The following GPM6B variants were observed in gnomAD, a reference collection of about 807,000 sequenced individuals.
GPM6B encodes glycoprotein M6B.
Under a neutral mutation model 27.2 loss-of-function variants are expected in GPM6B, and 4 were observed. That is an observed-to-expected ratio of 0.15 (90% CI 0.07 to 0.34). GPM6B has a LOEUF of 0.34. GPM6B is among the 10% of genes least tolerant of loss of function. GPM6B has a pLI of 1.00. For synonymous variants in GPM6B, 124 were observed against 103.1 expected (o/e 1.20, Z -1.23); for missense variants, 183 against 261.9 (o/e 0.70, Z 2.08).
At chrX:13,858,946 A>T (rs1351401312) in intron 1 of GPM6B, among the ~76,000 whole-genome samples, 1 of 112,477 alleles carries the variant, frequency 8.9e-6, no homozygotes, top group Non-Finnish European at 1.9e-5. Context: ...CGTGCTCAAT[A>T]GCACCTGCAT....
intron 1 of GPM6B, among the ~76,000 whole-genome samples, chrX:13,853,590 CAAAAAAAAA>C (rs66531403): frequency 2.6e-5 from 1 of 38,545 alleles, no homozygotes; most frequent in Non-Finnish European, 4.3e-5. Context: ...GACACCACCT[CAAAAAAAAA>C]AAAAAAAAAA....
Position 13,787,465 on chromosome X carries a change from G to T in GPM6B, c.182-1657C>A, listed in dbSNP as rs1386673355. 3.6e-5 allele frequency among the ~76,000 whole-genome samples: 4 copies of T among 111,609 alleles called. No individual in the cohort carries two copies. The East Asian group carries it at 1.1e-3, about 31-fold the overall frequency. The stretch of plus-strand genomic sequence containing the variant: ...CAGCTACTTGGGAGGCTGAGGCAAG[G>T]GAATCGCTTGAACCCAGGAGGAAGA... On this transcript the variant is annotated intron_variant, in intron 2 of 7. Transcript: ENST00000316715.
chrX:13,777,750 T>C (rs2048441038), intron 5 of GPM6B, among the ~76,000 whole-genome samples: 1 of 112,384 alleles, frequency 8.9e-6, no homozygotes, highest in African/African-American at 3.2e-5. Context: ...GCTTTCCCTA[T>C]AGTTACTGCA....
chrX:13,902,324 C>G (rs2050289217), intron 1 of GPM6B, among the ~76,000 whole-genome samples: 1 of 109,844 alleles, frequency 9.1e-6, no homozygotes, highest in African/African-American at 3.3e-5. Context: ...TAAATGTGGA[C>G]TGGATTTTTT....
At chrX:13,891,345 T>C (rs953106925) in intron 1 of GPM6B, among the ~76,000 whole-genome samples, 1 of 111,119 alleles carries the variant, frequency 9.0e-6, no homozygotes, top group Non-Finnish European at 1.9e-5. Context: ...GCTCTGGAAT[T>C]CATAAAAAAT....
intron 1 of GPM6B, among the ~76,000 whole-genome samples, chrX:13,809,892 G>A (rs774439340): frequency 6.2e-4 from 56 of 90,510 alleles, no homozygotes; most frequent in South Asian, 4.0e-3. Flanking sequence ...AGTTGAGATC[G>A]CGCCACTGCA....
Position 13,851,637 on chromosome X carries a change from G to GAAA in GPM6B, c.-197-65832_-197-65830dup, listed in dbSNP as rs10668416. Among the ~76,000 whole-genome samples, 795 of 101,189 alleles carry GAAA rather than the reference G, an allele frequency of 7.9e-3. 2 individuals carry two copies. The highest frequency in any genetic ancestry group is 0.021 in the Middle Eastern group (4 of 192). 87.9% of individuals were successfully genotyped at this position (101,189 alleles called of 115,157 possible). On this transcript the variant is annotated intron_variant, in intron 1 of 6. Transcript: ENST00000398361. ...GGTAAAGTCACCTCAGGCATGCAAT[G>GAAA]AAAAAAAAAAAACCAGCTGAAATCG...
At chrX:13,900,570 C>G (rs372426672) in intron 1 of GPM6B, among the ~76,000 whole-genome samples, 1 of 111,050 alleles carries the variant, frequency 9.0e-6, no homozygotes, top group Non-Finnish European at 1.9e-5. Flanking sequence ...TTCAGGTGGG[C>G]GCAGTTTTCT....
Position 13,772,924 on chromosome X carries a change from T to C in GPM6B, c.944A>G (p.Asp315Gly). ...TTGTTCTTTTGACCGAGACTGGATA[T>C]CTTGCAGTTCCTGTTCTTCCTTTGC... ...IKAKEEQELQ[D>G]IQSRSKEQLN... The change falls in exon 8 of 8, where the codon GAT becomes GGT. Residue 315 changes from aspartate to glycine, a missense_variant. Coordinates refer to ENST00000316715, the MANE Select transcript of GPM6B (RefSeq NM_001001995.3). 8.3e-7 allele frequency: 1 copy of C among 1,210,555 alleles called. No individual in the cohort carries two copies. The highest frequency in any genetic ancestry group is 1.1e-6 in the Non-Finnish European group (1 of 894,363).
chrX:13,877,824 C>CA (rs761891419), intron 1 of GPM6B, among the ~76,000 whole-genome samples: 15,220 of 27,380 alleles, frequency 0.56, 5,631 homozygotes, highest in Middle Eastern at 0.89. Context: ...CAGACTCTGC[C>CA]AAAAAAAAAA....
At chrX:13,905,217 T>A (rs1249671460) in intron 1 of GPM6B, among the ~76,000 whole-genome samples, 1 of 77,814 alleles carries the variant, frequency 1.3e-5, no homozygotes, top group African/African-American at 5.5e-5. Context: ...GGCAGCAGAG[T>A]GAGGCCCTGT....
intron 1 of GPM6B, among the ~76,000 whole-genome samples, chrX:13,827,942 A>G (rs1240331671): frequency 9.0e-6 from 1 of 111,100 alleles, no homozygotes; most frequent in Non-Finnish European, 1.9e-5. Flanking sequence ...TGTGTGGATT[A>G]ATGAGTTTCT....
At chrX:13,878,800 C>G (rs1257653530) in intron 1 of GPM6B, among the ~76,000 whole-genome samples, 3 of 111,965 alleles carry the variant, frequency 2.7e-5, no homozygotes, top group Non-Finnish European at 5.6e-5. Flanking sequence ...CTTAAGTGTA[C>G]AAGAGAGAGG....
intron 1 of GPM6B, among the ~76,000 whole-genome samples, chrX:13,815,006 G>A (rs1249917017): frequency 8.9e-6 from 1 of 111,764 alleles, no homozygotes; most frequent in East Asian, 2.8e-4. Context: ...CACAACTAAT[G>A]ACTTTTCATA....
intron 1 of GPM6B, among the ~76,000 whole-genome samples, chrX:13,934,131 T>C (rs1921712796): frequency 1.8e-5 from 2 of 110,728 alleles, no homozygotes; most frequent in African/African-American, 6.6e-5. Context: ...TAATAAAGAA[T>C]TAATGACTTC....
chrX:13,809,411 G>C (rs1026264626), intron 1 of GPM6B, among the ~76,000 whole-genome samples: 1 of 111,821 alleles, frequency 8.9e-6, no homozygotes, highest in Admixed American at 9.5e-5. Context: ...TAAAGAAACG[G>C]TCCAGGTCCT....
chrX:13,921,888 T>C (rs902254418), intron 1 of GPM6B, among the ~76,000 whole-genome samples: 1 of 111,592 alleles, frequency 9.0e-6, no homozygotes, highest in Non-Finnish European at 1.9e-5. Flanking sequence ...ATACCCACTT[T>C]TAATAATATG....
At chrX:13,877,824 CAAAAAAAAAAAA>C (rs761891419) in intron 1 of GPM6B, among the ~76,000 whole-genome samples, 19 of 27,466 alleles carry the variant, frequency 6.9e-4, no homozygotes, top group South Asian at 9.8e-3. Context: ...CAGACTCTGC[CAAAAAAAAAAAA>C]AAAAAAAAAA....
chrX:13,778,364 GA>G (rs2048454693), intron 5 of GPM6B, among the ~76,000 whole-genome samples: 1 of 112,140 alleles, frequency 8.9e-6, no homozygotes, highest in South Asian at 3.6e-4. Flanking sequence ...TTTTTAAAAA[GA>G]AAAAACACTA....
Sources: allele counts gnomAD v4.1 joint callset (sites outside exome capture counted in the v4.1 genomes callset), GRCh38; gene constraint gnomAD v4.1.1; transcripts MANE v1.5; gene names NCBI Gene and HGNC (gene_info 2026-07-23, HGNC 2026-07-21).